The following PCDH7 variants were observed in gnomAD, a reference collection of about 807,000 sequenced individuals.
PCDH7 encodes the protein protocadherin 7, also known as protocadherin-7.
A neutral mutation model predicts 58.9 loss-of-function variants in PCDH7; 17 were observed. That is an observed-to-expected ratio of 0.29 (90% CI 0.20 to 0.43). The LOEUF (loss-of-function observed/expected upper bound fraction) is 0.43, where lower values mean the gene tolerates loss of function less well. Ranked by LOEUF, PCDH7 falls within the 20% of genes least tolerant of loss-of-function variation. The pLI, the probability that PCDH7 is intolerant of heterozygous loss-of-function variation, is 1.00. For synonymous variants in PCDH7, 664 were observed against 616.4 expected, an observed-to-expected ratio of 1.08 and a Z score of -1.14; for missense variants, 1,274 against 1,441.0, an observed-to-expected ratio of 0.88 and a Z score of 1.88.
intron 1 of PCDH7, among the ~76,000 whole-genome samples, chr4:30,876,775 AT>A (rs1736340213): frequency 6.6e-6 from 1 of 152,018 alleles, no homozygotes. Flanking sequence ...TCTGGAATAC[AT>A]ATGCAGAATG....
At chr4:30,868,822 C>G (rs1735192972) in intron 1 of PCDH7, among the ~76,000 whole-genome samples, 1 of 152,092 alleles carries the variant, frequency 6.6e-6, no homozygotes, top group Non-Finnish European at 1.5e-5. Context: ...CATATGCTGA[C>G]AGATGTTTCT....
chr4:30,778,844 T>A (rs1341252936), intron 1 of PCDH7, among the ~76,000 whole-genome samples: 1 of 152,058 alleles, frequency 6.6e-6, no homozygotes, highest in African/African-American at 2.4e-5. Flanking sequence ...ATAATTTAAG[T>A]GGAAATAAAG....
chr4:30,799,192 T>C (rs1725191274), intron 1 of PCDH7, among the ~76,000 whole-genome samples: 1 of 152,174 alleles, frequency 6.6e-6, no homozygotes, highest in South Asian at 2.1e-4. Flanking sequence ...ATGTTTTCTG[T>C]CTGATCTTTG....
At position 30,786,536 on chromosome 4, in the gene PCDH7, AG is replaced by A. The variant is rs149152499; in HGVS notation, c.70+61943del. Among the ~76,000 whole-genome samples the A allele has an allele frequency of 0.01, 1,575 of 152,090 alleles. 99 individuals are homozygous for A. The East Asian group carries it at 0.13, about 12-fold the overall frequency. On this transcript the variant is annotated intron_variant, in intron 1 of 3. Transcript: ENST00000509759. ...CCAGCTGTATTGATTTAGATGCCTC[AG>A]GGTTGTTAATTGTAGTGAGGACTGT...
intron 1 of PCDH7, among the ~76,000 whole-genome samples, chr4:30,758,347 G>A (rs1276291654): frequency 6.6e-6 from 1 of 152,168 alleles, no homozygotes; most frequent in African/African-American, 2.4e-5. Context: ...TAGGAAGAAA[G>A]TTCAGAGAAG....
chr4:31,014,472 G>A (rs1753453146), intron 3 of PCDH7, among the ~76,000 whole-genome samples: 1 of 152,140 alleles, frequency 6.6e-6, no homozygotes, highest in African/African-American at 2.4e-5. Context: ...GACAAAAGAA[G>A]AGAAGTGGAG....
chr4:30,812,283 ACTTACAAGTGATTATATGTTTAC>A, intron 1 of PCDH7, among the ~76,000 whole-genome samples: 1 of 152,160 alleles, frequency 6.6e-6, no homozygotes, highest in African/African-American at 2.4e-5. Flanking sequence ...TGAAATCTTC[ACTTACAAGTGATTATATGTTTAC>A]CAATATTTGT....
intron 3 of PCDH7, among the ~76,000 whole-genome samples, chr4:31,058,063 T>C (rs1757398233): frequency 6.6e-6 from 1 of 152,084 alleles, no homozygotes; most frequent in Admixed American, 6.6e-5. Context: ...GTATCTGCTA[T>C]AAAATAAGAG....
chr4:30,873,029 G>A (rs1378601568), intron 1 of PCDH7, among the ~76,000 whole-genome samples: 2 of 151,998 alleles, frequency 1.3e-5, no homozygotes, highest in Non-Finnish European at 2.9e-5. Context: ...TTTTATTTTT[G>A]CTGAATTTAT....
chr4:31,074,303 T>C (rs1181561211), intron 3 of PCDH7, among the ~76,000 whole-genome samples: 1 of 151,594 alleles, frequency 6.6e-6, no homozygotes. Context: ...AGCACATTAC[T>C]GTTTTCTGAA....
At chr4:30,886,181 AG>A (rs1737722976) in intron 1 of PCDH7, among the ~76,000 whole-genome samples, 1 of 150,112 alleles carries the variant, frequency 6.7e-6, no homozygotes, top group Non-Finnish European at 1.5e-5. Flanking sequence ...CAGAGTGAAC[AG>A]GCAACCTACA....
intron 1 of PCDH7, among the ~76,000 whole-genome samples, chr4:30,751,213 A>T (rs889399594): frequency 1.3e-5 from 2 of 152,206 alleles, no homozygotes. Context: ...AGCTTTTTGG[A>T]ATTTTGTCTT....
chr4:30,968,376 C>CTATATATATATTTATATA (rs1749219787), intron 3 of PCDH7, among the ~76,000 whole-genome samples: 1 of 67,066 alleles, frequency 1.5e-5, no homozygotes, highest in Non-Finnish European at 2.7e-5. Flanking sequence ...TATACACACA[C>CTATATATATATTTATATA]TATATATATA....
At chr4:31,096,633 A>G (rs1341502169) in intron 3 of PCDH7, among the ~76,000 whole-genome samples, 2 of 152,218 alleles carry the variant, frequency 1.3e-5, no homozygotes, top group African/African-American at 4.8e-5. Flanking sequence ...TGATGATGTT[A>G]TAGAAATAAT....
intron 3 of PCDH7, among the ~76,000 whole-genome samples, chr4:31,120,398 T>C (rs889451375): frequency 6.0e-5 from 9 of 150,840 alleles, no homozygotes; most frequent in Non-Finnish European, 1.3e-4. Flanking sequence ...ATTTTTTTTT[T>C]CCTTTCAGTC....
chr4:30,879,612 C>G (rs1275256165), intron 1 of PCDH7, among the ~76,000 whole-genome samples: 1 of 152,092 alleles, frequency 6.6e-6, no homozygotes, highest in Admixed American at 6.6e-5. Flanking sequence ...TTGGATTATG[C>G]TTCCTCACAG....
intron 3 of PCDH7, among the ~76,000 whole-genome samples, chr4:31,019,215 C>T (rs1753835972): frequency 6.6e-6 from 1 of 151,920 alleles, no homozygotes; most frequent in Admixed American, 6.6e-5. Flanking sequence ...CATAGTTACA[C>T]AAATTATGAT....
intron 3 of PCDH7, among the ~76,000 whole-genome samples, chr4:31,103,991 T>G (rs1398726206): frequency 1.3e-5 from 2 of 152,196 alleles, no homozygotes; most frequent in Non-Finnish European, 2.9e-5. Context: ...TGCTGTTCCC[T>G]TGACTGTAAT....
At chr4:30,746,035 G>A (rs1481966038) in intron 1 of PCDH7, among the ~76,000 whole-genome samples, 2 of 151,888 alleles carry the variant, frequency 1.3e-5, no homozygotes, top group Non-Finnish European at 1.5e-5. Context: ...CAGCATGTTG[G>A]CCAGGCTGGT....
Sources: gnomAD v4.1 joint callset for allele counts (sites outside exome capture counted in the v4.1 genomes callset) on GRCh38, gnomAD v4.1.1 for gene constraint, MANE v1.5 for transcripts, NCBI Gene and HGNC (gene_info 2026-07-23, HGNC 2026-07-21) for gene names.